The following CTNNA2 variants were observed in gnomAD, a reference collection of about 807,000 sequenced individuals.
CTNNA2 encodes the protein catenin alpha-2.
CTNNA2 carries 42 observed loss-of-function variants against 101.0 expected under a neutral mutation model. The observed-to-expected ratio is 0.42, with a 90% CI of 0.32 to 0.54. CTNNA2 has a LOEUF of 0.54. CTNNA2 is among the 20% of genes least tolerant of loss of function. The pLI is 0.14. For missense variants in CTNNA2, 871 were observed against 1,223.1 expected (o/e 0.71, Z 4.29); for synonymous variants, 450 against 456.4 (o/e 0.99, Z 0.18).
chr2:79,303,749 T>G (rs1369429187), intron 2 of CTNNA2, among the ~76,000 whole-genome samples: 2 of 151,888 alleles, frequency 1.3e-5, no homozygotes, highest in African/African-American at 4.8e-5. Context: ...GCAATTTTAT[T>G]ACTTACAGAT....
intron 7 of CTNNA2, among the ~76,000 whole-genome samples, chr2:80,371,757 G>A (rs1675465548): frequency 6.6e-6 from 1 of 152,092 alleles, no homozygotes; most frequent in Non-Finnish European, 1.5e-5. Context: ...CAATGGAGGT[G>A]GAAGGTAAGG....
intron 7 of CTNNA2, among the ~76,000 whole-genome samples, chr2:80,181,887 G>A (rs1304141269): frequency 1.3e-5 from 2 of 152,164 alleles, no homozygotes; most frequent in East Asian, 3.9e-4. Flanking sequence ...AGCATTTTTT[G>A]TCTAATCATA....
chr2:79,620,578 A>T (rs1454802439), intron 1 of CTNNA2, among the ~76,000 whole-genome samples: 1 of 152,230 alleles, frequency 6.6e-6, no homozygotes, highest in Admixed American at 6.5e-5. Flanking sequence ...GTAGACAGAC[A>T]TACCCACTAA....
At chr2:79,479,397 C>T (rs1671084487) in intron 4 of CTNNA2, among the ~76,000 whole-genome samples, 1 of 152,140 alleles carries the variant, frequency 6.6e-6, no homozygotes, top group Non-Finnish European at 1.5e-5. Context: ...ATATTTTCAC[C>T]TGAACCACTT....
chr2:79,607,119 T>G (rs2104150792), intron 1 of CTNNA2, among the ~76,000 whole-genome samples: 1 of 152,160 alleles, frequency 6.6e-6, no homozygotes, highest in Admixed American at 6.5e-5. Flanking sequence ...AAAGGAAAAT[T>G]GGAATGACTA....
chr2:79,231,655 C>A (rs1012750732), intron 2 of CTNNA2, among the ~76,000 whole-genome samples: 2 of 152,072 alleles, frequency 1.3e-5, no homozygotes, highest in African/African-American at 4.8e-5. Flanking sequence ...GGCAGTATGG[C>A]CATTAATAAC....
At chr2:79,537,595 T>A (rs1004721547) in intron 1 of CTNNA2, among the ~76,000 whole-genome samples, 1 of 152,298 alleles carries the variant, frequency 6.6e-6, no homozygotes, top group East Asian at 1.9e-4. Flanking sequence ...CAAATCCGTC[T>A]TGGTAATCAG....
chr2:80,484,878 C>A (rs907668706), intron 9 of CTNNA2, among the ~76,000 whole-genome samples: 1 of 152,010 alleles, frequency 6.6e-6, no homozygotes, highest in Non-Finnish European at 1.5e-5. Flanking sequence ...AGGTGGTGGG[C>A]ACCTGTAGTC....
At chr2:79,255,913 A>G (rs1374828795) in intron 2 of CTNNA2, among the ~76,000 whole-genome samples, 1 of 152,174 alleles carries the variant, frequency 6.6e-6, no homozygotes, top group Admixed American at 6.5e-5. Flanking sequence ...AATTTTCCAG[A>G]CAAGTGTGTT....
intron 7 of CTNNA2, among the ~76,000 whole-genome samples, chr2:80,306,736 A>G (rs1226897442): frequency 6.6e-6 from 1 of 151,956 alleles, no homozygotes; most frequent in East Asian, 1.9e-4. Context: ...AGGGTTAAAC[A>G]GCGGCCAGCC....
rs546329447 is a variant in CTNNA2 at position 80,493,078 on chromosome 2, G to A, written c.1291-51904G>A. ...GTGGATAAGTGGTCTTCATGAGAAA[G>A]GAGTGTTACTTCTGGGAGGAAAAAC... On this transcript the variant is annotated intron_variant, in intron 9 of 18. Transcript: ENST00000402739. Among the ~76,000 whole-genome samples, 6 of 152,278 alleles carry A rather than the reference G, an allele frequency of 3.9e-5. No individual in the cohort carries two copies. In the South Asian group the frequency reaches 8.3e-4, roughly 21 times the overall value.
In CTNNA2 at chr2:79,894,063, T is replaced by TTCTTCTTCTTCC. The variant is rs772035711; in HGVS notation, c.853-15529_853-15528insTTCTTCTTCCTC. On this transcript the variant is annotated intron_variant, in intron 6 of 18. Transcript: ENST00000402739. ...CTTCTTCTTCTTCTTCTTCTTCTTC[T>TTCTTCTTCTTCC]TCCTCCTCCTCCTCCTCCTTCTTCT... Among the ~76,000 whole-genome samples the TTCTTCTTCTTCC allele has an allele frequency of 1.7e-3, 102 of 61,340 alleles. 7 individuals carry two copies. Among genetic ancestry groups the TTCTTCTTCTTCC allele is most frequent in the East Asian group, 5.7e-3 (13 of 2,278 alleles). The allele number at this position is 61,340 out of a possible 152,430, so 40.2% of individuals were successfully genotyped here. A position where few individuals can be genotyped will look rare whatever the true frequency, so the allele number is the denominator to read the frequency against.
intron 17 of CTNNA2, among the ~76,000 whole-genome samples, chr2:80,614,852 T>C (rs981128993): frequency 6.6e-6 from 1 of 151,418 alleles, no homozygotes; most frequent in Admixed American, 6.6e-5. Flanking sequence ...AGCCAAAGTG[T>C]TGAGTGAAGA....
chr2:80,073,761 C>CAT (rs1486642885), intron 7 of CTNNA2, among the ~76,000 whole-genome samples: 7 of 143,226 alleles, frequency 4.9e-5, no homozygotes, highest in African/African-American at 2.5e-5. Flanking sequence ...CACACACACA[C>CAT]ACACACACAC....
intron 7 of CTNNA2, among the ~76,000 whole-genome samples, chr2:80,232,341 GTTTGTTTTTTTTTTTTTTTTTTTTTT>G (rs1709283019): frequency 7.3e-5 from 6 of 82,062 alleles, no homozygotes; most frequent in Admixed American, 2.9e-4. Flanking sequence ...TTGTTTGTTT[GTTTGTTTTTTTTTTTTTTTTTTTTTT>G]TTTTTTTTTT....
At chr2:80,098,785 G>A (rs1700347657) in intron 7 of CTNNA2, among the ~76,000 whole-genome samples, 1 of 152,170 alleles carries the variant, frequency 6.6e-6, no homozygotes, top group Non-Finnish European at 1.5e-5. Context: ...GAGGCTTCGT[G>A]GGCATAGGAC....
chr2:80,210,836 T>G (rs1429924253), intron 7 of CTNNA2, among the ~76,000 whole-genome samples: 1 of 152,164 alleles, frequency 6.6e-6, no homozygotes, highest in Non-Finnish European at 1.5e-5. Context: ...CCACCAACAG[T>G]GTAAAAGTGT....
intron 7 of CTNNA2, among the ~76,000 whole-genome samples, chr2:80,356,319 A>G (rs1673791879): frequency 6.6e-6 from 1 of 152,210 alleles, no homozygotes; most frequent in Admixed American, 6.5e-5. Context: ...CAGGGGCAGC[A>G]AGACATGGTA....
At chr2:79,281,567 T>C (rs192242842) in intron 2 of CTNNA2, 11 of 152,352 alleles carry the variant, frequency 7.2e-5, no homozygotes, top group African/African-American at 2.6e-4. Flanking sequence ...TCTGTGATTA[T>C]TGCATAAGCA....
Sources: gnomAD v4.1 joint callset for allele counts (sites outside exome capture counted in the v4.1 genomes callset) on GRCh38, gnomAD v4.1.1 for gene constraint, MANE v1.5 for transcripts, NCBI Gene and HGNC (gene_info 2026-07-23, HGNC 2026-07-21) for gene names.